The following TRIP11 variants were observed in gnomAD, a reference collection of about 807,000 sequenced individuals.
The protein encoded by TRIP11 is thyroid receptor-interacting protein 11.
TRIP11 carries 148 observed loss-of-function variants against 223.1 expected under a neutral mutation model. That is an observed-to-expected ratio of 0.66 (90% CI 0.58 to 0.76). The LOEUF (loss-of-function observed/expected upper bound fraction) is 0.76. Among genes scored for constraint, TRIP11 ranks in the 30% least tolerant of loss-of-function variants. The pLI, the probability that TRIP11 is intolerant of heterozygous loss-of-function variation, is 0.00. For missense variants in TRIP11, 2,043 were observed against 2,222.0 expected, an observed-to-expected ratio of 0.92 and a Z score of 1.62; for synonymous variants, 762 against 772.6, an observed-to-expected ratio of 0.99 and a Z score of 0.23.
Position 92,039,568 on chromosome 14 carries a change from C to T in TRIP11, c.118G>A (p.Glu40Lys). 6.2e-7 allele frequency: 1 copy of T among 1,613,986 alleles called. No homozygotes were observed. Among genetic ancestry groups the T allele is most frequent in the Non-Finnish European group, 8.5e-7 (1 of 1,179,962 alleles). The change falls in exon 1 of 21, where the codon GAG becomes AAG. Residue 40 changes from glutamate (E) to lysine (K), a missense_variant. Glu to Lys is a moderately conservative substitution (Grantham distance 56, BLOSUM62 1). Coordinates refer to ENST00000267622, the MANE Select transcript of TRIP11 (RefSeq NM_004239.4). ...TTACCTTCCACTTCCTCCGTGCCCT[C>T]CATCAGCATATCCTTTGTAAAGTTT... ...ISNFTKDMLM[E>K]GTEEVEAELP...
chr14:92,014,703 A>AC, intron 6 of TRIP11, 126 bp from the exon 7 acceptor site: 1 of 987,392 alleles, frequency 1.0e-6, no homozygotes, highest in Non-Finnish European at 1.4e-6. Flanking sequence ...AATTACTATA[A>AC]TAAACTAAGT....
At chr14:91,985,304 C>T (rs866088888) in intron 16 of TRIP11, among the ~76,000 whole-genome samples, 7 of 152,128 alleles carry the variant, frequency 4.6e-5, no homozygotes, top group Admixed American at 2.6e-4. Flanking sequence ...TAATGGGAAG[C>T]CAAGTAGTTG....
Position 91,999,382 on chromosome 14 carries a change from A to G in TRIP11, c.4750T>C (p.Leu1584=), listed in dbSNP as rs1379173459. 1.9e-6 allele frequency: 3 copies of G among 1,613,800 alleles called. No homozygotes were observed. In the African/African-American group the frequency reaches 4.0e-5, roughly 22 times the overall value. ...EFRSNQELER[L]RNHLLESEDS... The stretch of plus-strand genomic sequence containing the variant: ...TCTGATTCTAAAAGATGATTACGCA[A>G]TCTCTCTAGCTCTTGGTTTGAACGA... The change falls in exon 13 of 21, where the codon TTG becomes CTG. Residue 1584 remains leucine (L), a synonymous_variant. Coordinates refer to ENST00000267622, the MANE Select transcript of TRIP11 (RefSeq NM_004239.4).
intron 16 of TRIP11, among the ~76,000 whole-genome samples, chr14:91,984,399 T>G (rs553407185): frequency 2.1e-5 from 3 of 146,096 alleles, no homozygotes; most frequent in Non-Finnish European, 4.5e-5. Context: ...CACCGCAACC[T>G]CCACCTCCCA....
intron 5 of TRIP11, 76 bp from the exon 6 acceptor site, chr14:92,015,937 A>G: frequency 4.4e-6 from 6 of 1,352,740 alleles, no homozygotes; most frequent in Non-Finnish European, 6.0e-6. Flanking sequence ...ACTGTTGTCC[A>G]AAAGTGTGCA....
In TRIP11 at chr14:92,021,679, TG is replaced by T; in HGVS notation, c.464del (p.Ser155Ter). On this transcript the variant is annotated frameshift_variant, in exon 4 of 21. Coordinates refer to ENST00000267622, the MANE Select transcript of TRIP11 (RefSeq NM_004239.4). LOFTEE classifies it high-confidence loss of function. ...AGTCCATGTCATCGTCATGGAAAGC[TG>T]AAGGATGATGACTAATCCCATAAGC... ...SFAYGISHHP[S>X]AFHDDDMDFG... 1 of 1,614,204 alleles carries T rather than the reference TG, an allele frequency of 6.2e-7. No homozygotes were observed. Among genetic ancestry groups the T allele is most frequent in the Non-Finnish European group, 8.5e-7 (1 of 1,180,028 alleles).
intron 2 of TRIP11, among the ~76,000 whole-genome samples, chr14:92,027,737 A>C (rs1470392638): frequency 6.6e-6 from 1 of 152,272 alleles, no homozygotes; most frequent in Non-Finnish European, 1.5e-5. Context: ...GTGAGAAAGA[A>C]AGCTCTTGCT....
chr14:91,997,760 C>A (rs1302338853), intron 13 of TRIP11, among the ~76,000 whole-genome samples: 1 of 151,984 alleles, frequency 6.6e-6, no homozygotes, highest in African/African-American at 2.4e-5. Context: ...GTGGTAGGAG[C>A]CTGGGACCAT....
intron 3 of TRIP11, among the ~76,000 whole-genome samples, chr14:92,023,857 CTT>C (rs5810569): frequency 8.5e-5 from 12 of 141,124 alleles, no homozygotes; most frequent in Admixed American, 7.1e-5. Flanking sequence ...ATCTGCTGAA[CTT>C]TTTTTTTTTT....
At chr14:91,994,384 C>T (rs547183616) in intron 14 of TRIP11, among the ~76,000 whole-genome samples, 15 of 151,226 alleles carry the variant, frequency 9.9e-5, no homozygotes, top group African/African-American at 3.7e-4. Context: ...GCTGGGATTA[C>T]AGGCATCTTC....
At position 91,967,067 on chromosome 14, in the gene TRIP11, C is replaced by T. The variant is rs773649445; in HGVS notation, c.*2606G>A. On this transcript the variant is annotated 3_prime_UTR_variant, in exon 21 of 21. Coordinates refer to ENST00000267622, the MANE Select transcript of TRIP11 (RefSeq NM_004239.4). ...ATGACTTATATCTGGTTTAGATCAA[C>T]GAACACTTAGTATACATACCAGTCA... 2 of 180,100 alleles carry T rather than the reference C, an allele frequency of 1.1e-5. No individual in the cohort carries two copies. Among genetic ancestry groups the T allele is most frequent in the Non-Finnish European group, 2.3e-5 (2 of 85,980 alleles). 11.2% of individuals were successfully genotyped at this position (180,100 alleles called of 1,614,324 possible).
In TRIP11 at chr14:91,966,183, AAT is replaced by A; in HGVS notation, c.*3488_*3489del. On this transcript the variant is annotated 3_prime_UTR_variant, in exon 21 of 21. Transcript: ENST00000267622. ...TCCCACGTTTAGATATTTCCCTAAA[AAT>A]CAAAAGACAATTTAAATTGTTTTAC... is the stretch of plus-strand genomic sequence containing the variant. 5.7e-6 allele frequency: 1 copy of A among 175,900 alleles called. No homozygotes were observed. Among genetic ancestry groups the A allele is most frequent in the Non-Finnish European group, 1.2e-5 (1 of 81,332 alleles). 10.9% of individuals were successfully genotyped at this position (175,900 alleles called of 1,614,324 possible). A position where few individuals can be genotyped will look rare whatever the true frequency, so the allele number is the denominator to read the frequency against.
rs1282413248 is a variant in TRIP11 at position 91,969,789 on chromosome 14, C to T, written c.5824G>A (p.Gly1942Arg). Residue 1942 changes from glycine (G) to arginine (R), a missense_variant, in exon 21 of 21, where the codon GGG becomes AGG. Physicochemically the swap from Gly to Arg is moderately radical, Grantham distance 125. Coordinates refer to ENST00000267622, the MANE Select transcript of TRIP11 (RefSeq NM_004239.4). ...GGTTTCAGAAGAAGATGCCCGGGCC[C>T]ACCAGGTCCAAGTCCAGCTGGGTTA... ...LINPAGLGPG[G>R]PGHLLLKPIS... 6.2e-7 allele frequency: 1 copy of T among 1,614,142 alleles called. No homozygotes were observed. Among genetic ancestry groups the T allele is most frequent in the South Asian group, 1.1e-5 (1 of 91,078 alleles).
chr14:92,033,366 T>G (rs1435917990), intron 1 of TRIP11, 113 bp from the exon 2 acceptor site: 3 of 810,930 alleles, frequency 3.7e-6, no homozygotes, highest in Non-Finnish European at 6.1e-6. Context: ...TAGGCTGATA[T>G]GAAAGCATTC....
Position 92,006,387 on chromosome 14 carries a change from CTGA to C in TRIP11, c.1586_1588del (p.Ile529del), listed in dbSNP as rs760146326. 9 of 1,612,848 alleles carry C rather than the reference CTGA, an allele frequency of 5.6e-6. No homozygotes were observed. The highest frequency in any genetic ancestry group is 7.6e-6 in the Non-Finnish European group (9 of 1,179,648). Reference sequence around the variant, plus strand: ...ATCATTTAGATCTTGTTTCAGTTTACTGATGATGCTATCTCCTTCATTTTGTTG... The same window carrying C: ...ATCATTTAGATCTTGTTTCAGTTTACTGATGCTATCTCCTTCATTTTGTTG... On this transcript the variant is annotated inframe_deletion, in exon 11 of 21. Coordinates refer to ENST00000267622, the MANE Select transcript of TRIP11 (RefSeq NM_004239.4).
intron 1 of TRIP11, among the ~76,000 whole-genome samples, chr14:92,036,913 A>T (rs775142312): frequency 2.6e-5 from 4 of 152,144 alleles, no homozygotes; most frequent in Non-Finnish European, 5.9e-5. Context: ...AACTTTTTGT[A>T]GAGATGAGAT....
At chr14:92,022,247 G>A (rs1800628425) in intron 3 of TRIP11, among the ~76,000 whole-genome samples, 1 of 152,074 alleles carries the variant, frequency 6.6e-6, no homozygotes, top group Admixed American at 6.5e-5. Flanking sequence ...CTGTTACAAG[G>A]GTGTTGTGTA....
In TRIP11 at chr14:92,004,748, A is replaced by T. The variant is rs768262549; in HGVS notation, c.3228T>A (p.Ser1076=). The change falls in exon 11 of 21, where the codon TCT becomes TCA. Residue 1076 remains serine (S), a synonymous_variant. Transcript: ENST00000267622. ...LEIQALHARI[S]STSHTQDVVY... The stretch of plus-strand genomic sequence containing the variant: ...CAACATCTTGAGTATGGGAAGTTGA[A>T]GAAATTCTAGCATGAAGAGCTTGTA... 6.2e-7 allele frequency: 1 copy of T among 1,614,186 alleles called. No individual in the cohort carries two copies. The highest frequency in any genetic ancestry group is 1.1e-5 in the South Asian group (1 of 91,088).
rs1221760455 is a variant in TRIP11 at position 91,975,225 on chromosome 14, C to T, written c.5404G>A (p.Val1802Met). The change falls in exon 18 of 21, where the codon GTG becomes ATG. Residue 1802 changes from valine (V) to methionine (M), a missense_variant. Physicochemically the swap from Val to Met is conservative, Grantham distance 21. Transcript: ENST00000267622. Reference sequence around the variant, plus strand: ...AGGATGCTCCCCATTAACCGTAACACTTCATGACGCTGATTTTTCGGTGTG... The same window carrying T: ...AGGATGCTCCCCATTAACCGTAACATTTCATGACGCTGATTTTTCGGTGTG... ...FHTPKNQRHEVLRLMGSILGV... is the reference protein window; with the variant it reads ...FHTPKNQRHEMLRLMGSILGV... The T allele has an allele frequency of 1.9e-6, 3 of 1,613,774 alleles. No individual in the cohort carries two copies. The highest frequency in any genetic ancestry group is 2.5e-6 in the Non-Finnish European group (3 of 1,179,862).
Sources: allele counts gnomAD v4.1 joint callset (sites outside exome capture counted in the v4.1 genomes callset), GRCh38; gene constraint gnomAD v4.1.1; transcripts MANE v1.5; gene names NCBI Gene and HGNC (gene_info 2026-07-23, HGNC 2026-07-21).